TMEM132D: variants seen among roughly 807,000 people sequenced by gnomAD.
The protein encoded by TMEM132D is mature OL transmembrane protein.
A neutral mutation model predicts 62.3 loss-of-function variants in TMEM132D; 21 were observed. That is an observed-to-expected ratio of 0.34 (90% CI 0.24 to 0.49). The LOEUF (loss-of-function observed/expected upper bound fraction) is 0.49, where lower values mean the gene tolerates loss of function less well. Among genes scored for constraint, TMEM132D ranks in the 20% least tolerant of loss-of-function variants. The pLI is 0.99. For missense variants in TMEM132D, 1,346 were observed against 1,402.8 expected, an observed-to-expected ratio of 0.96 and a Z score of 0.65; for synonymous variants, 621 against 575.6, an observed-to-expected ratio of 1.08 and a Z score of -1.13.
At chr12:129,491,069 C>G (rs945308082) in intron 3 of TMEM132D, among the ~76,000 whole-genome samples, 2 of 152,056 alleles carry the variant, frequency 1.3e-5, no homozygotes, top group African/African-American at 4.8e-5. Context: ...CTAAAAGTAC[C>G]AAATATACGA....
At chr12:129,274,543 C>A (rs11830680) in intron 4 of TMEM132D, among the ~76,000 whole-genome samples, 1,621 of 152,236 alleles carry the variant, frequency 0.011, 33 homozygotes, top group African/African-American at 0.037. Flanking sequence ...AGCAGTAGGC[C>A]TTTTCCTGGC....
At chr12:129,207,148 C>A (rs11495004) in intron 5 of TMEM132D, among the ~76,000 whole-genome samples, 4,866 of 152,136 alleles carry the variant, frequency 0.032, 135 homozygotes, top group Non-Finnish European at 0.046. Context: ...AAACAAAAAA[C>A]CCCCCACTAC....
intron 3 of TMEM132D, among the ~76,000 whole-genome samples, chr12:129,478,092 G>A (rs1480780640): frequency 1.3e-5 from 2 of 152,136 alleles, no homozygotes; most frequent in African/African-American, 4.8e-5. Context: ...ATAAGTACTT[G>A]TCTATCTAAA....
chr12:129,323,656 T>A (rs1868794825), intron 4 of TMEM132D, among the ~76,000 whole-genome samples: 1 of 152,208 alleles, frequency 6.6e-6, no homozygotes, highest in African/African-American at 2.4e-5. Context: ...AAATCTTAGC[T>A]GAAGCCTAAT....
chr12:129,571,610 C>T (rs1172792422), intron 2 of TMEM132D, among the ~76,000 whole-genome samples: 1 of 151,762 alleles, frequency 6.6e-6, no homozygotes, highest in Non-Finnish European at 1.5e-5. Context: ...ATTTAAAATG[C>T]ACCTGAAGAC....
At chr12:129,699,119 C>T (rs544402463) in intron 2 of TMEM132D, among the ~76,000 whole-genome samples, 3 of 152,178 alleles carry the variant, frequency 2.0e-5, no homozygotes, top group African/African-American at 7.2e-5. Context: ...AAAATACAAA[C>T]AAGCCTAGGC....
intron 3 of TMEM132D, among the ~76,000 whole-genome samples, chr12:129,360,068 A>T (rs969462988): frequency 2.6e-5 from 4 of 152,260 alleles, no homozygotes; most frequent in Admixed American, 2.6e-4. Flanking sequence ...AGGAAACTGG[A>T]ATGTCACACA....
At chr12:129,079,716 C>T (rs565201851) in intron 7 of TMEM132D, among the ~76,000 whole-genome samples, 168 of 152,272 alleles carry the variant, frequency 1.1e-3, no homozygotes, top group Non-Finnish European at 1.6e-3. Flanking sequence ...TACTTCTACC[C>T]GAATGCCACC....
At chr12:129,708,921 T>C (rs1479671669) in intron 1 of TMEM132D, among the ~76,000 whole-genome samples, 1 of 152,140 alleles carries the variant, frequency 6.6e-6, no homozygotes, top group African/African-American at 2.4e-5. Flanking sequence ...CCACATCACA[T>C]GTCCTAACCA....
At chr12:129,140,774 G>C (rs908498999) in intron 5 of TMEM132D, among the ~76,000 whole-genome samples, 1 of 151,502 alleles carries the variant, frequency 6.6e-6, no homozygotes, top group African/African-American at 2.4e-5. Flanking sequence ...TGGTGGTGGA[G>C]GTTGCTGTGA....
chr12:129,311,462 G>A (rs1257858813), intron 4 of TMEM132D, among the ~76,000 whole-genome samples: 1 of 152,078 alleles, frequency 6.6e-6, no homozygotes, highest in East Asian at 1.9e-4. Flanking sequence ...TATTTTGAAT[G>A]CCCACAATGT....
chr12:129,184,542 G>A (rs1878164749), intron 5 of TMEM132D, among the ~76,000 whole-genome samples: 1 of 152,228 alleles, frequency 6.6e-6, no homozygotes, highest in African/African-American at 2.4e-5. Context: ...TAGCCCAGAA[G>A]GGCTGGGGTG....
intron 3 of TMEM132D, among the ~76,000 whole-genome samples, chr12:129,378,837 G>A (rs1326476572): frequency 6.6e-6 from 1 of 152,214 alleles, no homozygotes; most frequent in Admixed American, 6.5e-5. Flanking sequence ...CAACAGGAAT[G>A]GCGGCCGTTG....
intron 3 of TMEM132D, among the ~76,000 whole-genome samples, chr12:129,529,721 C>G (rs1876160437): frequency 6.6e-6 from 1 of 152,194 alleles, no homozygotes; most frequent in African/African-American, 2.4e-5. Flanking sequence ...ATCCACTCAT[C>G]CATCCATCCA....
intron 1 of TMEM132D, among the ~76,000 whole-genome samples, chr12:129,817,885 G>T (rs1340457397): frequency 6.8e-6 from 1 of 147,864 alleles, no homozygotes; most frequent in South Asian, 2.2e-4. Flanking sequence ...TGTGTGTGGT[G>T]TGGGGGTTTG....
intron 2 of TMEM132D, among the ~76,000 whole-genome samples, chr12:129,576,955 A>G (rs2137123471): frequency 6.6e-6 from 1 of 152,014 alleles, no homozygotes; most frequent in African/African-American, 2.4e-5. Flanking sequence ...TCTGTCTGAA[A>G]TAGTGGCAAC....
intron 4 of TMEM132D, among the ~76,000 whole-genome samples, chr12:129,211,776 C>T (rs111957849): frequency 5.3e-4 from 80 of 152,286 alleles, no homozygotes; most frequent in Middle Eastern, 3.4e-3. Flanking sequence ...TATCCATACA[C>T]TTTTTCTCCT....
At chr12:129,658,434 C>T (rs1161009502) in intron 2 of TMEM132D, among the ~76,000 whole-genome samples, 1 of 152,140 alleles carries the variant, frequency 6.6e-6, no homozygotes, top group Non-Finnish European at 1.5e-5. Context: ...CTTAGTTTTG[C>T]ATCTTTGTGT....
chr12:129,501,574 G>A (rs529382382), intron 3 of TMEM132D, among the ~76,000 whole-genome samples: 22 of 151,706 alleles, frequency 1.5e-4, no homozygotes, highest in Admixed American at 4.6e-4. Flanking sequence ...GTGTGACCAC[G>A]GCTCATTGCA....
Sources: allele counts gnomAD v4.1 joint callset (sites outside exome capture counted in the v4.1 genomes callset), GRCh38; gene constraint gnomAD v4.1.1; transcripts MANE v1.5; gene names NCBI Gene and HGNC (gene_info 2026-07-23, HGNC 2026-07-21).